CDH24: variants seen among roughly 807,000 people sequenced by gnomAD.
The protein encoded by CDH24 is cadherin-24.
CDH24 carries 61 observed loss-of-function variants against 71.2 expected under a neutral mutation model. That is an observed-to-expected ratio of 0.86 (90% confidence interval 0.70 to 1.06). The LOEUF is 1.06. Ranked by LOEUF, CDH24 falls within the 50% of genes least tolerant of loss-of-function variation. The pLI, the probability that CDH24 is intolerant of heterozygous loss-of-function variation, is 0.00. For missense variants in CDH24, 961 were observed against 1,083.7 expected, an observed-to-expected ratio of 0.89 and a Z score of 1.59; for synonymous variants, 440 against 470.2, an observed-to-expected ratio of 0.94 and a Z score of 0.83.
chr14:23,056,646 G>T (rs1057094269), intron 1 of CDH24, among the ~76,000 whole-genome samples: 1 of 152,236 alleles, frequency 6.6e-6, no homozygotes, highest in South Asian at 2.1e-4. Flanking sequence ...AGTCCTAGGG[G>T]CCAGGCTTGG....
chr14:23,052,878 ACT>A lies in CDH24; in HGVS notation c.1227-271_1227-270del, dbSNP rs2047095521. On this transcript the variant is annotated intron_variant, in intron 7 of 12. Transcript: ENST00000487137. The stretch of plus-strand genomic sequence containing the variant: ...GTAGAAGCGGGATAAACAGACCTTG[ACT>A]CTCAGACTTCTGGGCCCTGTTCTGA... Among the ~76,000 whole-genome samples, 4 of 151,804 alleles carry A rather than the reference ACT, an allele frequency of 2.6e-5. No individual in the cohort carries two copies. The South Asian group carries it at 8.3e-4, about 32-fold the overall frequency.
rs955187235 is a variant in CDH24 at position 23,055,653 on chromosome 14, G to A, written c.81C>T (p.Ala27=). ...CTGGGTGTTCCCGGGACCCTGCCCA[G>A]GCCCGGGCTGGGGCTGCCAGACGCC... The part of the protein sequence containing the change: ...CMGRLAAPAR[A]WAGSREHPGP... Residue 27 remains alanine (A), a synonymous_variant, in exon 2 of 13, where the codon GCC becomes GCT. Transcript: ENST00000487137. The surrounding 1 kb of genome is among the most constrained non-coding windows in gnomAD (Gnocchi z 4.1). 1.2e-6 allele frequency: 2 copies of A among 1,610,226 alleles called. No individual in the cohort carries two copies. The highest frequency in any genetic ancestry group is 1.3e-5 in the African/African-American group (1 of 74,970).
intron 8 of CDH24, 65 bp downstream of exon 8, chr14:23,052,408 C>T (rs766465202): frequency 2.5e-6 from 4 of 1,586,946 alleles, no homozygotes; most frequent in Non-Finnish European, 3.4e-6. Context: ...TTCTCCACCC[C>T]CACACCCAGG....
intron 8 of CDH24, 44 bp downstream of exon 8, chr14:23,052,429 C>T (rs751771818): frequency 6.8e-5 from 110 of 1,609,798 alleles, no homozygotes; most frequent in Admixed American, 1.5e-4. Flanking sequence ...GACAGCTCCT[C>T]GGCCAGGAGG....
intron 8 of CDH24, 132 bp from the exon 9 acceptor site, chr14:23,050,075 A>G: frequency 3.2e-6 from 4 of 1,245,758 alleles, no homozygotes; most frequent in African/African-American, 1.5e-5. Context: ...ATATGCATGT[A>G]ATGTACAGGT....
chr14:23,057,248 G>A lies in CDH24; in HGVS notation c.-125+155C>T, dbSNP rs1362133036. Among the ~76,000 whole-genome samples the A allele has an allele frequency of 1.3e-5, 2 of 151,992 alleles. No individual in the cohort carries two copies. Among genetic ancestry groups the A allele is most frequent in the South Asian group, 2.1e-4 (1 of 4,824 alleles). ...AGAGAAGAAAGAGGGAGAGAGGTGC[G>A]AGGGGAGAAGGGAAAGAGGCAGAGC... is the stretch of plus-strand genomic sequence containing the variant. On this transcript the variant is annotated intron_variant, in intron 1 of 12. Transcript: ENST00000487137. This position sits in a 1 kb window ranked among gnomAD's most constrained non-coding sequence, Gnocchi z 5.4.
At chr14:23,056,843 G>T (rs769797572) in intron 1 of CDH24, among the ~76,000 whole-genome samples, 8 of 152,142 alleles carry the variant, frequency 5.3e-5, no homozygotes, top group Non-Finnish European at 1.2e-4. Context: ...CTAGGGGCGG[G>T]GGGGAGGACC....
chr14:23,053,242 T>A (rs941780647), intron 7 of CDH24, among the ~76,000 whole-genome samples: 1 of 152,176 alleles, frequency 6.6e-6, no homozygotes. Flanking sequence ...TGAGACTATA[T>A]CCACTTGCAC....
At position 23,055,910 on chromosome 14, in the gene CDH24, C is replaced by G. The variant is rs1014680829; in HGVS notation, c.-124-53G>C. On this transcript the variant is annotated intron_variant, in intron 1 of 12. Transcript: ENST00000487137. This position sits in a 1 kb window ranked among gnomAD's most constrained non-coding sequence, Gnocchi z 4.1. Reference sequence around the variant, plus strand: ...AAGGAAACCCCTAGCCCTCCTCCCCCGCAAAATTAGATGCTGAAGACCAGA... The same window carrying G: ...AAGGAAACCCCTAGCCCTCCTCCCCGGCAAAATTAGATGCTGAAGACCAGA... The G allele has an allele frequency of 3.3e-5, 19 of 581,618 alleles. No homozygotes were observed. The highest frequency in any genetic ancestry group is 3.1e-4 in the East Asian group (11 of 35,996). 36.0% of individuals were successfully genotyped at this position (581,618 alleles called of 1,614,324 possible).
rs1210173835 is a variant in CDH24, at chr14:23,047,080, GTGTT to G, written c.*810_*813del. 6.6e-6 allele frequency: 1 copy of G among 152,230 alleles called. No homozygotes were observed. The highest frequency in any genetic ancestry group is 1.5e-5 in the Non-Finnish European group (1 of 68,044). The allele number at this position is 152,230 out of a possible 1,614,324, so 9.4% of individuals were successfully genotyped here. A position where few individuals can be genotyped will look rare whatever the true frequency, so the allele number is the denominator to read the frequency against. ...CAGGGCTCCAGCTTTACAAAATAAA[GTGTT>G]TGTTTATTATGAAATTAGAGATGGA... On this transcript the variant is annotated 3_prime_UTR_variant, in exon 13 of 13. Transcript: ENST00000487137.
rs997464889 is a variant in CDH24, at chr14:23,047,136, C to T, written c.*758G>A. 6.6e-6 allele frequency: 1 copy of T among 152,386 alleles called. No individual in the cohort carries two copies. The highest frequency in any genetic ancestry group is 1.5e-5 in the Non-Finnish European group (1 of 68,076). The allele number at this position is 152,386 out of a possible 1,614,324, so 9.4% of individuals were successfully genotyped here. A position where few individuals can be genotyped will look rare whatever the true frequency, so the allele number is the denominator to read the frequency against. On this transcript the variant is annotated 3_prime_UTR_variant, in exon 13 of 13. Coordinates refer to ENST00000487137, the MANE Select transcript of CDH24 (RefSeq NM_144985.4). ...GCCCCTCCCCTTCCTCCCTCTTTCC[C>T]CTTCCCCAGCCGCCTCCCCCTTTCC...
Position 23,053,514 on chromosome 14 carries a change from G to C in CDH24, c.1208C>G (p.Ser403Cys). ...CACCTACCTGATTGGGCTGGCAGGG[G>C]AGTCCAGGTCAGCCGCGGAGATCTG... The part of the protein sequence containing the change: ...VGQISAADLD[S>C]PASPIRYSIL... The change falls in exon 7 of 13, where the codon TCC becomes TGC. Residue 403 changes from serine to cysteine, a missense_variant. This residue lies in a region of CDH24 where 671 missense variants were observed against 810.9 expected (regional missense o/e 0.83). Coordinates refer to ENST00000487137, the MANE Select transcript of CDH24 (RefSeq NM_144985.4). The C allele has an allele frequency of 6.3e-7, 1 of 1,582,284 alleles. No individual in the cohort carries two copies. Among genetic ancestry groups the C allele is most frequent in the South Asian group, 1.1e-5 (1 of 88,668 alleles).
intron 8 of CDH24, 74 bp downstream of exon 8, chr14:23,052,399 T>C (rs2047091309): frequency 6.4e-7 from 1 of 1,550,662 alleles, no homozygotes; most frequent in African/African-American, 1.4e-5. Context: ...TTAGCACCCT[T>C]CTCCACCCCC....
rs1259696975 is a variant in CDH24, at chr14:23,048,244, G to A, written c.2082C>T (p.Pro694=). ...VLPRARVSRQ[P]RPPGPADVAQ... is the part of the protein sequence containing the mutation. ...CCACGTCGGCGGGGCCGGGGGGTCT[G>A]GGCTGGCGCGACACCCGGGCCCGGG... Residue 694 remains proline (P), a synonymous_variant, in exon 12 of 13, where the codon CCC becomes CCT. Coordinates refer to ENST00000487137, the MANE Select transcript of CDH24 (RefSeq NM_144985.4). The A allele has an allele frequency of 7.2e-7, 1 of 1,386,314 alleles. No homozygotes were observed. The highest frequency in any genetic ancestry group is 1.5e-5 in the African/African-American group (1 of 64,598). The allele number at this position is 1,386,314 out of a possible 1,614,324, so 85.9% of individuals were successfully genotyped here.
rs202178031 is a variant in CDH24, at chr14:23,048,492, C to A, written c.1847-13G>T. 6.2e-7 allele frequency: 1 copy of A among 1,601,078 alleles called. No homozygotes were observed. The highest frequency in any genetic ancestry group is 1.1e-5 in the South Asian group (1 of 90,804). ...AGCACCACCAGGGCTGCGCGAGAGG[C>A]GCGCACACAGGCCCTGAGCCAGCAG... On this transcript the variant is annotated splice_polypyrimidine_tract_variant and intron_variant, in intron 11 of 12. Coordinates refer to ENST00000487137, the MANE Select transcript of CDH24 (RefSeq NM_144985.4).
At position 23,053,727 on chromosome 14, in the gene CDH24, C is replaced by T. The variant is rs1328032416; in HGVS notation, c.995G>A (p.Arg332His). 13 of 1,608,212 alleles carry T rather than the reference C, an allele frequency of 8.1e-6. No homozygotes were observed. Among genetic ancestry groups the T allele is most frequent in the South Asian group, 4.4e-5 (4 of 90,964 alleles). Reference sequence around the variant, plus strand: ...GGCCTCGACACGGAAGGAGTAGGAGCGCTGGCTCTCAAAGTCTAGGGGCTA... The same window carrying T: ...GGCCTCGACACGGAAGGAGTAGGAGTGCTGGCTCTCAAAGTCTAGGGGCTA... ...VRKPLDFESQ[R>H]SYSFRVEATN... is the part of the protein sequence containing the mutation. Residue 332 changes from arginine (R) to histidine (H), a missense_variant, in exon 7 of 13, where the codon CGC becomes CAC. Physicochemically the swap from Arg to His is conservative, Grantham distance 29. Coordinates refer to ENST00000487137, the MANE Select transcript of CDH24 (RefSeq NM_144985.4).
rs758602279 is a variant in CDH24 at position 23,048,402 on chromosome 14, C to A, written c.1924G>T (p.Glu642Ter). The A allele has an allele frequency of 1.2e-6, 2 of 1,612,498 alleles. No homozygotes were observed. The highest frequency in any genetic ancestry group is 4.5e-5 in the East Asian group (2 of 44,858). The change falls in exon 12 of 13, where the codon GAG becomes TAG. Residue 642 changes from glutamate (E) to a stop codon, truncating the protein, a stop_gained. Transcript: ENST00000487137. LOFTEE classifies it high-confidence loss of function. ...LMVLEEEDVR[E>*]NIITYDDEGG... ...TCGTCGTCGTAGGTGATGATGTTCT[C>A]TCGGACGTCCTCCTCCTCCAGTACC... is the stretch of plus-strand genomic sequence containing the variant.
intron 8 of CDH24, among the ~76,000 whole-genome samples, chr14:23,050,987 T>G (rs2047081923): frequency 6.6e-6 from 1 of 151,592 alleles, no homozygotes; most frequent in Admixed American, 6.6e-5. Context: ...TGGGTGCGGG[T>G]AGGAGCAGGA....
chr14:23,047,423 T>G (rs1875716817), intron 12 of CDH24, 38 bp downstream of exon 12: 1 of 152,502 alleles, frequency 6.6e-6, no homozygotes, highest in Admixed American at 6.5e-5. Context: ...GTGGGAGCCT[T>G]CATCCACCGC....
Sources: allele counts gnomAD v4.1 joint callset (sites outside exome capture counted in the v4.1 genomes callset), GRCh38; gene constraint gnomAD v4.1.1; regional missense constraint gnomAD v4.1.1; non-coding constraint Gnocchi (gnomAD v3.1); transcripts MANE v1.5; gene names NCBI Gene and HGNC (gene_info 2026-07-23, HGNC 2026-07-21).